SDF4: variants seen among roughly 807,000 people sequenced by gnomAD.
SDF4 encodes the protein 45 kDa calcium-binding protein.
Under a neutral mutation model 34.2 loss-of-function variants are expected in SDF4, and 22 were observed. The observed-to-expected ratio is 0.64, with a 90% confidence interval of 0.46 to 0.92. The LOEUF (loss-of-function observed/expected upper bound fraction) is 0.92. Among genes scored for constraint, SDF4 ranks in the 40% least tolerant of loss-of-function variants. The probability of loss-of-function intolerance (pLI) is 0.00; values close to 1 mark genes in which losing one functional copy is unlikely to be tolerated. For synonymous variants in SDF4, 236 were observed against 203.1 expected (o/e 1.16, Z -1.38); for missense variants, 447 against 499.9 (o/e 0.89, Z 1.01).
intron 1 of SDF4, 140 bp from the exon 2 acceptor site, chr1:1,229,086 T>C (rs1051593583): frequency 2.6e-6 from 1 of 386,932 alleles, no homozygotes; most frequent in African/African-American, 2.9e-5. Context: ...CACGTGGCAC[T>C]GCCTTCTCCA....
chr1:1,220,308 A>G, intron 4 of SDF4: 1 of 1,094,406 alleles, frequency 9.1e-7, no homozygotes, highest in East Asian at 7.4e-5. Flanking sequence ...GCAGCGATGG[A>G]GGCGGGGGAA....
At chr1:1,223,426 G>A (rs1479017455) in intron 3 of SDF4, 69 bp from the exon 4 acceptor site, 16 of 1,131,652 alleles carry the variant, frequency 1.4e-5, no homozygotes, top group African/African-American at 9.3e-5. Flanking sequence ...ACTGAGATGG[G>A]GTCTTGCTCT....
chr1:1,227,361 G>A (rs1443920306), intron 2 of SDF4: 1 of 119,238 alleles, frequency 8.4e-6, no homozygotes, highest in East Asian at 2.9e-4. Flanking sequence ...GCGGGAAGGC[G>A]AGCTCGTGGC....
At chr1:1,223,786 G>GCCCCCCCCCCCCCCCCCC in intron 3 of SDF4, 46 bp downstream of exon 3, 8 of 585,242 alleles carry the variant, frequency 1.4e-5, no homozygotes, top group South Asian at 6.4e-5. Flanking sequence ...CCATGGCCCT[G>GCCCCCCCCCCCCCCCCCC]CCCGCCCCGC....
rs1649624808 is a variant in SDF4 at position 1,217,890 on chromosome 1, G to A, written c.892-202C>T. 1.4e-6 allele frequency: 2 copies of A among 1,407,986 alleles called. No individual in the cohort carries two copies. Among genetic ancestry groups the A allele is most frequent in the Admixed American group, 2.7e-5 (1 of 37,164 alleles). The allele number at this position is 1,407,986 out of a possible 1,614,324, so 87.2% of individuals were successfully genotyped here. A position where few individuals can be genotyped will look rare whatever the true frequency, so the allele number is the denominator to read the frequency against. ...GCCCCGGAAGGCCTGCCCGGGGCCA[G>A]CAGGGGTAACGGGGCACAGGGGCTA... On this transcript the variant is annotated intron_variant, in intron 6 of 6. Transcript: ENST00000360001. This position sits in a 1 kb window ranked among gnomAD's most constrained non-coding sequence, Gnocchi z 8.5.
In SDF4 at chr1:1,218,746, G is replaced by C. The variant is rs781146930; in HGVS notation, c.715+23C>G. ...AGTCGGTCCTGGGTCCTGGCGTGCC[G>C]GCCAGGCTGGACCCAGCCTCACCCA... is the stretch of plus-strand genomic sequence containing the variant. On this transcript the variant is annotated intron_variant, in intron 5 of 6. Transcript: ENST00000360001. The surrounding 1 kb of genome is among the most constrained non-coding windows in gnomAD (Gnocchi z 7.9). The C allele has an allele frequency of 1.2e-6, 2 of 1,612,242 alleles. No individual in the cohort carries two copies. Among genetic ancestry groups the C allele is most frequent in the Non-Finnish European group, 1.7e-6 (2 of 1,179,164 alleles).
Position 1,217,572 on chromosome 1 carries a change from G to T in SDF4, c.1008C>A (p.Ser336Arg). The T allele has an allele frequency of 6.2e-7, 1 of 1,613,490 alleles. No individual in the cohort carries two copies. The highest frequency in any genetic ancestry group is 8.5e-7 in the Non-Finnish European group (1 of 1,179,892). ...CCAGCTTGCTGCCCGTGAAGAACTCGCTGTACTTGAGCACCTCCTCGGGCT... is the reference window on the plus strand; with the variant it reads ...CCAGCTTGCTGCCCGTGAAGAACTCTCTGTACTTGAGCACCTCCTCGGGCT... The part of the protein sequence containing the change: ...HLEPEEVLKY[S>R]EFFTGSKLVD... The change falls in exon 7 of 7, where the codon AGC becomes AGA. Residue 336 changes from serine (S) to arginine (R), a missense_variant. Coordinates refer to ENST00000360001, the MANE Select transcript of SDF4 (RefSeq NM_016176.6). The surrounding 1 kb of genome is among the most constrained non-coding windows in gnomAD (Gnocchi z 8.5).
rs1570472490 is a variant in SDF4 at position 1,217,460 on chromosome 1, G to A, written c.*52C>T. The stretch of plus-strand genomic sequence containing the variant: ...ACAGCCACGGAGCCCGGAGTCACCC[G>A]CGAGGCCGCCCCGGTGGTGCGTGGG... On this transcript the variant is annotated 3_prime_UTR_variant, in exon 7 of 7. Transcript: ENST00000360001. The surrounding 1 kb of genome is among the most constrained non-coding windows in gnomAD (Gnocchi z 8.5). 14 of 1,375,434 alleles carry A rather than the reference G, an allele frequency of 1.0e-5. No individual in the cohort carries two copies. Among genetic ancestry groups the A allele is most frequent in the Middle Eastern group, 2.8e-4 (1 of 3,630 alleles). The allele number at this position is 1,375,434 out of a possible 1,614,324, so 85.2% of individuals were successfully genotyped here.
chr1:1,222,798 C>T (rs1014251167), intron 4 of SDF4, among the ~76,000 whole-genome samples: 6 of 152,280 alleles, frequency 3.9e-5, no homozygotes, highest in African/African-American at 1.4e-4. Flanking sequence ...CACCCACTTC[C>T]CTCCTGACAG....
In SDF4 at chr1:1,223,857, G is replaced by C. The variant is rs752704024; in HGVS notation, c.417C>G (p.Phe139Leu). 3 of 1,600,120 alleles carry C rather than the reference G, an allele frequency of 1.9e-6. No homozygotes were observed. Among genetic ancestry groups the C allele is most frequent in the Non-Finnish European group, 2.6e-6 (3 of 1,176,400 alleles). ...CGTCCCCGTCAGGGTCCACGGCGCG[G>C]AAGTGTGTCTTGCTCTCCTCCATGG... ...QEAMEESKTH[F>L]RAVDPDGDGH... The change falls in exon 3 of 7, where the codon TTC becomes TTG. Residue 139 changes from phenylalanine to leucine, a missense_variant. Coordinates refer to ENST00000360001, the MANE Select transcript of SDF4 (RefSeq NM_016176.6).
chr1:1,226,028 T>C (rs557621268), intron 2 of SDF4, among the ~76,000 whole-genome samples: 1 of 152,180 alleles, frequency 6.6e-6, no homozygotes, highest in Non-Finnish European at 1.5e-5. Flanking sequence ...AGAACACAGA[T>C]GTGACTGGGC....
intron 1 of SDF4, among the ~76,000 whole-genome samples, chr1:1,231,267 A>G (rs942380902): frequency 9.9e-5 from 15 of 152,232 alleles, no homozygotes; most frequent in African/African-American, 3.6e-4. Context: ...ATCCCCTAGC[A>G]GCTCAGTTCC....
chr1:1,223,711 C>T, intron 3 of SDF4, 121 bp downstream of exon 3: 1 of 977,292 alleles, frequency 1.0e-6, no homozygotes, highest in Non-Finnish European at 1.5e-6. Context: ...GGGTCTCCGG[C>T]TGACACTTCC....
rs200388120 is a variant in SDF4, at chr1:1,218,778, G to A, written c.706C>T (p.Arg236Trp). Reference protein sequence around the residue: ...MLRFMVKEIVRDLDQDGDKQL... With the variant: ...MLRFMVKEIVWDLDQDGDKQL... Reference sequence around the variant, plus strand: ...CTGGACCCAGCCTCACCCAGGTCCCGGACGATCTCCTTCACCATGAACCTG... The same window carrying A: ...CTGGACCCAGCCTCACCCAGGTCCCAGACGATCTCCTTCACCATGAACCTG... The change falls in exon 5 of 7, where the codon CGG (arginine) becomes TGG (tryptophan). Residue 236 changes from arginine (R) to tryptophan (W), a missense_variant. By Grantham distance (101) the Arg-to-Trp change is moderately radical (BLOSUM62 -3). Transcript: ENST00000360001. This position sits in a 1 kb window ranked among gnomAD's most constrained non-coding sequence, Gnocchi z 7.9. 3.7e-6 allele frequency: 6 copies of A among 1,612,200 alleles called. No individual in the cohort carries two copies. The highest frequency in any genetic ancestry group is 4.5e-5 in the East Asian group (2 of 44,824).
At chr1:1,227,401 C>A (rs1236231228) in intron 2 of SDF4, 1 of 145,816 alleles carries the variant, frequency 6.9e-6, no homozygotes, top group East Asian at 2.1e-4. Flanking sequence ...AGCTCGTGGC[C>A]AGGCCCGGCG....
chr1:1,219,075 C>T (rs1305649526), intron 4 of SDF4, 148 bp from the exon 5 acceptor site: 4 of 1,557,082 alleles, frequency 2.6e-6, no homozygotes, highest in Non-Finnish European at 2.6e-6. Context: ...GTCCCCAGAA[C>T]ATGGCCCAGC....
chr1:1,220,330 C>A, intron 4 of SDF4: 1 of 1,100,418 alleles, frequency 9.1e-7, no homozygotes, highest in Non-Finnish European at 1.1e-6. Context: ...GGAGTGATGC[C>A]CGCCTGCCAC....
chr1:1,217,391 TCGGTCGGCCGGTGGCGGG>T lies in SDF4; in HGVS notation c.*103_*120del, dbSNP rs1649571887. The T allele has an allele frequency of 2.3e-6, 2 of 858,518 alleles. No individual in the cohort carries two copies. Among genetic ancestry groups the T allele is most frequent in the African/African-American group, 3.7e-5 (2 of 54,382 alleles). The allele number at this position is 858,518 out of a possible 1,614,324, so 53.2% of individuals were successfully genotyped here. Reference sequence around the variant, plus strand: ...CGCTCATCAACTGGGGCAGCCGCGGTCGGTCGGCCGGTGGCGGGCGGCAGGGAAGAGGTGGGGTCCGGG... The same window carrying T: ...CGCTCATCAACTGGGGCAGCCGCGGTCGGCAGGGAAGAGGTGGGGTCCGGG... On this transcript the variant is annotated 3_prime_UTR_variant, in exon 7 of 7. Transcript: ENST00000360001. This position sits in a 1 kb window ranked among gnomAD's most constrained non-coding sequence, Gnocchi z 8.5.
rs756980498 is a variant in SDF4, at chr1:1,228,827, G to GAGGGGC, written c.-61_-56dup. The stretch of plus-strand genomic sequence containing the variant: ...CTGCAGGGTGTGGGCCAGGTGCTGG[G>GAGGGGC]AGGGGCAGGGGCAGGGGCAGAGGAG... On this transcript the variant is annotated 5_prime_UTR_variant, in exon 2 of 7. Coordinates refer to ENST00000360001, the MANE Select transcript of SDF4 (RefSeq NM_016176.6). 6.0e-6 allele frequency: 9 copies of GAGGGGC among 1,505,018 alleles called. No homozygotes were observed. Among genetic ancestry groups the GAGGGGC allele is most frequent in the African/African-American group, 2.8e-5 (2 of 72,572 alleles). The allele number at this position is 1,505,018 out of a possible 1,614,324, so 93.2% of individuals were successfully genotyped here. A position where few individuals can be genotyped will look rare whatever the true frequency, so the allele number is the denominator to read the frequency against.
Sources: gnomAD v4.1 joint callset for allele counts (sites outside exome capture counted in the v4.1 genomes callset) on GRCh38, gnomAD v4.1.1 for gene constraint, Gnocchi (gnomAD v3.1) non-coding constraint, MANE v1.5 for transcripts, NCBI Gene and HGNC (gene_info 2026-07-23, HGNC 2026-07-21) for gene names.